The following APP variants were observed in gnomAD, a reference collection of about 807,000 sequenced individuals.
APP encodes amyloid-beta precursor protein.
A neutral mutation model predicts 101.4 loss-of-function variants in APP; 31 were observed. The observed-to-expected ratio is 0.31, with a 90% confidence interval of 0.23 to 0.41. The LOEUF is 0.41. Among genes scored for constraint, APP ranks in the 10% least tolerant of loss-of-function variants. APP has a pLI of 1.00. For missense variants in APP, 839 were observed against 1,003.7 expected (o/e 0.84, Z 2.22); for synonymous variants, 366 against 364.4 (o/e 1.00, Z -0.05).
At chr21:26,167,636 A>C (rs1479462850) in intron 1 of APP, among the ~76,000 whole-genome samples, 1 of 152,222 alleles carries the variant, frequency 6.6e-6, no homozygotes, top group Non-Finnish European at 1.5e-5. Context: ...ACATAAAGAC[A>C]ACCTCTCCCA....
intron 3 of APP, among the ~76,000 whole-genome samples, chr21:26,077,138 A>C (rs2061513019): frequency 6.6e-6 from 1 of 152,156 alleles, no homozygotes; most frequent in African/African-American, 2.4e-5. Flanking sequence ...CCTTAAACTC[A>C]ACTTCTTCCT....
At chr21:26,094,724 G>A (rs1217718057) in intron 2 of APP, among the ~76,000 whole-genome samples, 2 of 151,232 alleles carry the variant, frequency 1.3e-5, no homozygotes, top group African/African-American at 2.4e-5. Flanking sequence ...TTAAGTTCCT[G>A]ATTTTTATCA....
intron 1 of APP, among the ~76,000 whole-genome samples, chr21:26,165,992 G>A (rs1352312172): frequency 1.3e-5 from 2 of 152,142 alleles, no homozygotes; most frequent in Middle Eastern, 3.4e-3. Context: ...TTCTGAAGAG[G>A]TACCACTCAA....
At chr21:26,148,400 A>G (rs1272485754) in intron 1 of APP, among the ~76,000 whole-genome samples, 1 of 152,180 alleles carries the variant, frequency 6.6e-6, no homozygotes, top group Admixed American at 6.5e-5. Flanking sequence ...CATTCTTGAG[A>G]TTCCTTTGCT....
rs2062714626 is a variant in APP at position 26,127,802 on chromosome 21, T to C, written c.58-15656A>G. On this transcript the variant is annotated intron_variant, in intron 1 of 17. Transcript: ENST00000346798. Reference sequence around the variant, plus strand: ...TATTATGAGGATTAAAATGCAGTAATATACATAAAATGGAGAGTAAGCACT... The same window carrying C: ...TATTATGAGGATTAAAATGCAGTAACATACATAAAATGGAGAGTAAGCACT... 2.0e-5 allele frequency among the ~76,000 whole-genome samples: 3 copies of C among 152,202 alleles called. 1 individual carries two copies. The highest frequency in any genetic ancestry group is 2.0e-4 in the Admixed American group (3 of 15,276).
At chr21:25,938,415 C>A (rs565001929) in intron 13 of APP, among the ~76,000 whole-genome samples, 1 of 151,966 alleles carries the variant, frequency 6.6e-6, no homozygotes, top group African/African-American at 2.4e-5. Context: ...CATTCTGAGT[C>A]TCTGCTTCAT....
At chr21:25,895,997 T>A (rs544107927) in intron 16 of APP, among the ~76,000 whole-genome samples, 4 of 152,316 alleles carry the variant, frequency 2.6e-5, no homozygotes, top group African/African-American at 9.6e-5. Flanking sequence ...GGCGTTAGTG[T>A]AATTGTGGGG....
intron 13 of APP, among the ~76,000 whole-genome samples, chr21:25,953,096 T>C (rs1224178736): frequency 4.1e-5 from 2 of 48,464 alleles, no homozygotes; most frequent in Non-Finnish European, 7.6e-5. Flanking sequence ...AGTTGCTTTT[T>C]TTCTCTTCTT....
At chr21:25,901,263 T>A (rs9979333) in intron 15 of APP, among the ~76,000 whole-genome samples, 144,240 of 144,240 alleles carry the variant, frequency 1, 72,120 homozygotes, top group Non-Finnish European at 1. Context: ...ATGCCACTGT[T>A]CTCCAGCCTG....
intron 14 of APP, among the ~76,000 whole-genome samples, chr21:25,905,914 T>C (rs1036427647): frequency 1.3e-5 from 2 of 149,356 alleles, no homozygotes; most frequent in Non-Finnish European, 3.0e-5. Flanking sequence ...AAAAGTGAAG[T>C]TTTTAGGATT....
intron 5 of APP, among the ~76,000 whole-genome samples, chr21:26,044,920 A>C (rs1374180492): frequency 1.3e-5 from 2 of 152,240 alleles, no homozygotes; most frequent in Non-Finnish European, 2.9e-5. Flanking sequence ...ATCATCACTC[A>C]ATATTATGTG....
intron 3 of APP, among the ~76,000 whole-genome samples, chr21:26,065,639 C>G (rs2046427493): frequency 6.6e-6 from 1 of 152,086 alleles, no homozygotes; most frequent in Non-Finnish European, 1.5e-5. Context: ...GAGGTGGGCT[C>G]AACTCTGAAA....
At chr21:25,928,441 C>CACAA (rs1670489020) in intron 13 of APP, among the ~76,000 whole-genome samples, 1 of 151,888 alleles carries the variant, frequency 6.6e-6, no homozygotes, top group South Asian at 2.2e-4. Flanking sequence ...AACACACACA[C>CACAA]ACAAACACAC....
intron 1 of APP, among the ~76,000 whole-genome samples, chr21:26,167,873 A>T (rs2063651202): frequency 6.6e-6 from 1 of 152,194 alleles, no homozygotes; most frequent in South Asian, 2.1e-4. Flanking sequence ...TCTGCCAGTT[A>T]TCATGGTTTC....
chr21:26,040,786 A>G (rs916024355), intron 5 of APP, among the ~76,000 whole-genome samples: 16 of 151,874 alleles, frequency 1.1e-4, no homozygotes, highest in African/African-American at 3.9e-4. Flanking sequence ...ACAAACAAAC[A>G]AACAGTACAT....
chr21:26,096,954 C>T (rs1375160369), intron 2 of APP, among the ~76,000 whole-genome samples: 6 of 152,140 alleles, frequency 3.9e-5, no homozygotes, highest in South Asian at 2.1e-4. Flanking sequence ...TGGCAGAGAC[C>T]GGATCTGACA....
At chr21:25,997,621 T>C (rs1276117049) in intron 7 of APP, among the ~76,000 whole-genome samples, 2 of 152,218 alleles carry the variant, frequency 1.3e-5, no homozygotes, top group African/African-American at 4.8e-5. Flanking sequence ...GCTGGATATT[T>C]TGTCTCTGAT....
chr21:25,971,978 C>T (rs890130308), intron 11 of APP, among the ~76,000 whole-genome samples: 6 of 152,128 alleles, frequency 3.9e-5, no homozygotes, highest in African/African-American at 1.4e-4. Context: ...TTAAATTCAG[C>T]GTCCGACATT....
chr21:26,086,130 T>C (rs11910285), intron 3 of APP, among the ~76,000 whole-genome samples: 14,005 of 152,182 alleles, frequency 0.092, 814 homozygotes, highest in East Asian at 0.23. Flanking sequence ...ATGGAAAGGG[T>C]TGAAAGCTTT....
Sources: allele counts gnomAD v4.1 joint callset (sites outside exome capture counted in the v4.1 genomes callset), GRCh38; gene constraint gnomAD v4.1.1; transcripts MANE v1.5; gene names NCBI Gene and HGNC (gene_info 2026-07-23, HGNC 2026-07-21).